Variants in ZNF492 observed in about 807,000 individuals in gnomAD.
The protein encoded by ZNF492 is zinc finger protein 492, also known as zinc finger protein 115 (Y20).
Under a neutral mutation model 6.4 loss-of-function variants are expected in ZNF492, and 3 were observed. The observed-to-expected ratio is 0.47, with a 90% CI of 0.21 to 1.22. ZNF492 has a LOEUF of 1.22. Among genes scored for constraint, ZNF492 ranks in the 50% most tolerant of loss-of-function variants. The pLI, the probability that ZNF492 is intolerant of heterozygous loss-of-function variation, is 0.22. For missense variants in ZNF492, 356 were observed against 612.5 expected (o/e 0.58, Z 4.42); for synonymous variants, 112 against 205.3 (o/e 0.55, Z 3.89).
chr19:22,660,552 T>C (rs906699970), intron 3 of ZNF492, among the ~76,000 whole-genome samples: 3 of 150,490 alleles, frequency 2.0e-5, no homozygotes, highest in African/African-American at 7.4e-5. Context: ...AATTTGTCTT[T>C]GATGTTGCTA....
chr19:22,662,563 G>A lies in ZNF492; in HGVS notation c.131-1237G>A, dbSNP rs568620865. The stretch of plus-strand genomic sequence containing the variant: ...ACAGTCCCACCAACAGTGTAAAAGC[G>A]TTTCTATTTCTCCACATCCTCTCCA... On this transcript the variant is annotated intron_variant, in intron 3 of 3. Transcript: ENST00000456783. Among the ~76,000 whole-genome samples the A allele has an allele frequency of 3.6e-3, 548 of 152,040 alleles. 3 individuals are homozygous for A. Among genetic ancestry groups the A allele is most frequent in the African/African-American group, 0.012 (510 of 41,460 alleles).
At chr19:22,644,523 C>T (rs576916741) in intron 1 of ZNF492, among the ~76,000 whole-genome samples, 1 of 152,244 alleles carries the variant, frequency 6.6e-6, no homozygotes, top group East Asian at 1.9e-4. Flanking sequence ...ATGATGACTT[C>T]CAGCTTAATC....
chr19:22,659,591 C>G (rs35885300), intron 3 of ZNF492, among the ~76,000 whole-genome samples: 2,200 of 144,652 alleles, frequency 0.015, 25 homozygotes, highest in Non-Finnish European at 0.018. Flanking sequence ...CACACACACA[C>G]AGAGAGAGAG....
chr19:22,640,536 C>T (rs760222396), intron 1 of ZNF492, among the ~76,000 whole-genome samples: 12 of 152,150 alleles, frequency 7.9e-5, no homozygotes, highest in Non-Finnish European at 1.5e-4. Context: ...TTTTGATGTC[C>T]TGCTCAATTT....
At position 22,667,390 on chromosome 19, in the gene ZNF492, A is replaced by T. The variant is rs1459204109; in HGVS notation, c.*2125A>T. 1 of 151,898 alleles carries T rather than the reference A, an allele frequency of 6.6e-6. No homozygotes were observed. The highest frequency in any genetic ancestry group is 1.5e-5 in the Non-Finnish European group (1 of 67,994). 9.4% of individuals were successfully genotyped at this position (151,898 alleles called of 1,614,324 possible). A position where few individuals can be genotyped will look rare whatever the true frequency, so the allele number is the denominator to read the frequency against. The stretch of plus-strand genomic sequence containing the variant: ...ATTTTTATTTATTTTTTCCCATTTA[A>T]ATTTACTTTTGTTAGTTTTTTCAGG... On this transcript the variant is annotated 3_prime_UTR_variant, in exon 4 of 4. Coordinates refer to ENST00000456783, the MANE Select transcript of ZNF492 (RefSeq NM_020855.3).
At position 22,666,225 on chromosome 19, in the gene ZNF492, C is replaced by T. The variant is rs1282499786; in HGVS notation, c.*960C>T. ...TTTTTTAGATGGAGTCTTGCTCTAT[C>T]GCCCCCCCAGGCTGGAGTACAGTGG... On this transcript the variant is annotated 3_prime_UTR_variant, in exon 4 of 4. Transcript: ENST00000456783. 4 of 136,532 alleles carry T rather than the reference C, an allele frequency of 2.9e-5. No homozygotes were observed. Among genetic ancestry groups the T allele is most frequent in the Admixed American group, 7.4e-5 (1 of 13,432 alleles). The allele number at this position is 136,532 out of a possible 1,614,324, so 8.5% of individuals were successfully genotyped here. A position where few individuals can be genotyped will look rare whatever the true frequency, so the allele number is the denominator to read the frequency against.
intron 1 of ZNF492, among the ~76,000 whole-genome samples, chr19:22,635,247 A>G (rs1295480060): frequency 6.6e-6 from 1 of 152,090 alleles, no homozygotes; most frequent in African/African-American, 2.4e-5. Context: ...TTGCCGCCAC[A>G]TGGGGCTGAT....
intron 3 of ZNF492, among the ~76,000 whole-genome samples, chr19:22,655,531 T>A (rs1379156444): frequency 6.6e-6 from 1 of 152,010 alleles, no homozygotes; most frequent in African/African-American, 2.4e-5. Flanking sequence ...ACTTGTATGT[T>A]AATTTTCTAT....
intron 1 of ZNF492, among the ~76,000 whole-genome samples, chr19:22,639,227 G>A (rs1971799780): frequency 6.6e-6 from 1 of 152,090 alleles, no homozygotes; most frequent in South Asian, 2.1e-4. Flanking sequence ...TCACAGTGTT[G>A]TCATAAAGAT....
chr19:22,637,503 C>T (rs973729462), intron 1 of ZNF492, among the ~76,000 whole-genome samples: 2 of 151,756 alleles, frequency 1.3e-5, no homozygotes, highest in Non-Finnish European at 2.9e-5. Context: ...GACATGTTGC[C>T]CTGGGTGGCC....
chr19:22,651,896 C>T (rs1024123920), intron 1 of ZNF492, among the ~76,000 whole-genome samples: 2 of 152,100 alleles, frequency 1.3e-5, no homozygotes, highest in Admixed American at 6.6e-5. Flanking sequence ...GAAAGAAAGA[C>T]TACTTAAAAT....
chr19:22,650,888 A>G (rs1158061459), intron 1 of ZNF492, among the ~76,000 whole-genome samples: 2 of 152,066 alleles, frequency 1.3e-5, no homozygotes, highest in African/African-American at 4.8e-5. Flanking sequence ...CCCCTCCCCC[A>G]GGGAGCTCAA....
At position 22,664,308 on chromosome 19, in the gene ZNF492, T is replaced by C; in HGVS notation, c.639T>C (p.Thr213=). 6.3e-7 allele frequency: 1 copy of C among 1,578,942 alleles called. No homozygotes were observed. Among genetic ancestry groups the C allele is most frequent in the Non-Finnish European group, 8.6e-7 (1 of 1,162,946 alleles). The change falls in exon 4 of 4, where the codon ACT becomes ACC. Residue 213 remains threonine, a synonymous_variant. Coordinates refer to ENST00000456783, the MANE Select transcript of ZNF492 (RefSeq NM_020855.3). ...CCTTTAACCGGCTCTCACACCTTAC[T>C]ACACATAAGATAATTCATACTGGAA... ...GKAFNRLSHL[T]THKIIHTGKK...
intron 3 of ZNF492, among the ~76,000 whole-genome samples, chr19:22,661,382 A>G (rs1011377014): frequency 5.9e-5 from 9 of 152,056 alleles, no homozygotes; most frequent in African/African-American, 2.2e-4. Flanking sequence ...TGATGAAATT[A>G]TATTGCCCTG....
chr19:22,647,251 TTTG>T (rs1465651255), intron 1 of ZNF492, among the ~76,000 whole-genome samples: 7 of 142,230 alleles, frequency 4.9e-5, no homozygotes, highest in Non-Finnish European at 9.0e-5. Flanking sequence ...TGTTTGTTTG[TTTG>T]TTGTTGTTTT....
chr19:22,657,991 T>C (rs967187447), intron 3 of ZNF492, among the ~76,000 whole-genome samples: 2 of 152,146 alleles, frequency 1.3e-5, no homozygotes, highest in African/African-American at 4.8e-5. Flanking sequence ...ATATTTCCTA[T>C]GTGTGAGGGA....
At chr19:22,642,948 T>C (rs1265221449) in intron 1 of ZNF492, among the ~76,000 whole-genome samples, 1 of 152,112 alleles carries the variant, frequency 6.6e-6, no homozygotes, top group Admixed American at 6.5e-5. Flanking sequence ...AGGTACTTAT[T>C]TGCAGGCTGA....
At chr19:22,661,217 TTA>T (rs1568356961) in intron 3 of ZNF492, among the ~76,000 whole-genome samples, 2 of 151,972 alleles carry the variant, frequency 1.3e-5, no homozygotes, top group Non-Finnish European at 2.9e-5. Context: ...ATTGTTTTTT[TTA>T]ATATTTTGAT....
rs150925607 is a variant in ZNF492, at chr19:22,647,046, C to T, written c.-93-6261C>T. Among the ~76,000 whole-genome samples the T allele has an allele frequency of 5.5e-4, 84 of 151,540 alleles. No individual in the cohort carries two copies. The East Asian group carries it at 0.012, about 22-fold the overall frequency. On this transcript the variant is annotated intron_variant, in intron 1 of 3. Transcript: ENST00000456783. Reference sequence around the variant, plus strand: ...CTGAGATTACAGGTATGCACCACCACGCCCGGCTAATTTTTTGTACTTTTA... The same window carrying T: ...CTGAGATTACAGGTATGCACCACCATGCCCGGCTAATTTTTTGTACTTTTA...
Sources: gnomAD v4.1 joint callset for allele counts (sites outside exome capture counted in the v4.1 genomes callset) on GRCh38, gnomAD v4.1.1 for gene constraint, MANE v1.5 for transcripts, NCBI Gene and HGNC (gene_info 2026-07-23, HGNC 2026-07-21) for gene names.